Variants in PARP8 observed in about 807,000 individuals in gnomAD.
PARP8 encodes protein mono-ADP-ribosyltransferase PARP8.
In PARP8, 51 loss-of-function variants were observed where a neutral mutation model predicts 124.1. The ratio of observed to expected loss-of-function variants is 0.41; its 90% CI spans 0.33 to 0.52. The LOEUF is 0.52. Ranked by LOEUF, PARP8 falls within the 20% of genes least tolerant of loss-of-function variation. The pLI is 0.21. For synonymous variants in PARP8, 391 were observed against 361.5 expected, an observed-to-expected ratio of 1.08 and a Z score of -0.93; for missense variants, 860 against 1,018.9, an observed-to-expected ratio of 0.84 and a Z score of 2.12.
chr5:50,841,959 A>T lies in PARP8; in HGVS notation c.2463-7A>T, dbSNP rs1204476271. ...ATGTTTTTATATTTTTATGTTTTGT[A>T]TTTCAGCTATGAAGACGGCCAAGTG... On this transcript the variant is annotated splice_region_variant and splice_polypyrimidine_tract_variant and intron_variant, in intron 25 of 25. Coordinates refer to ENST00000281631, the MANE Select transcript of PARP8 (RefSeq NM_024615.4). 5 of 1,561,504 alleles carry T rather than the reference A, an allele frequency of 3.2e-6. No homozygotes were observed. Among genetic ancestry groups the T allele is most frequent in the Non-Finnish European group, 4.4e-6 (5 of 1,143,344 alleles).
intron 14 of PARP8, among the ~76,000 whole-genome samples, chr5:50,815,114 A>G (rs1014275784): frequency 6.6e-6 from 1 of 152,016 alleles, no homozygotes; most frequent in African/African-American, 2.4e-5. Context: ...TGTGCATCTC[A>G]TGTGCAAATG....
intron 14 of PARP8, among the ~76,000 whole-genome samples, chr5:50,802,974 A>G (rs947977605): frequency 5.9e-5 from 9 of 152,150 alleles, no homozygotes; most frequent in Non-Finnish European, 1.0e-4. Context: ...AACTCCCTTC[A>G]TTAATTCCTG....
chr5:50,668,268 G>T (rs1749595118), intron 2 of PARP8, 143 bp downstream of exon 2: 2 of 756,720 alleles, frequency 2.6e-6, no homozygotes, highest in Non-Finnish European at 4.5e-6. Flanking sequence ...CAAGCCTGAC[G>T]TCCCTCGGTT....
At chr5:50,833,439 A>G (rs1243278422) in intron 23 of PARP8, 2 of 454,340 alleles carry the variant, frequency 4.4e-6, no homozygotes, top group African/African-American at 4.0e-5. Flanking sequence ...ATATTCTGGG[A>G]AAATTAAAAA....
intron 9 of PARP8, among the ~76,000 whole-genome samples, chr5:50,786,531 ATT>A (rs753027033): frequency 9.8e-5 from 14 of 142,468 alleles, no homozygotes; most frequent in South Asian, 2.2e-4. Flanking sequence ...TGCCTGGCTA[ATT>A]TTTTTTTTTT....
intron 3 of PARP8, among the ~76,000 whole-genome samples, chr5:50,754,150 T>TACACACACACAC (rs1253764538): frequency 3.2e-4 from 12 of 37,166 alleles, no homozygotes; most frequent in African/African-American, 1.3e-3. Context: ...TATATATATA[T>TACACACACACAC]ACACACACAC....
At chr5:50,744,979 C>A in intron 2 of PARP8, 2 of 514,032 alleles carry the variant, frequency 3.9e-6, no homozygotes, top group Non-Finnish European at 3.5e-6. Context: ...CTCATTAGAT[C>A]CTTGAGCCAA....
intron 4 of PARP8, 144 bp downstream of exon 4, chr5:50,759,876 A>G (rs1760369784): frequency 1.9e-6 from 2 of 1,060,502 alleles, no homozygotes; most frequent in Non-Finnish European, 2.5e-6. Flanking sequence ...TTTTCTATCT[A>G]AAGTACATTT....
At position 50,826,740 on chromosome 5, in the gene PARP8, T is replaced by A; in HGVS notation, c.1929-15T>A. 6.3e-7 allele frequency: 1 copy of A among 1,577,586 alleles called. No homozygotes were observed. The highest frequency in any genetic ancestry group is 1.4e-5 in the African/African-American group (1 of 72,166). ...TTGGCATGTATTTGTGACTAATGGA[T>A]CATTTTAATTTCAGGGTTATATCAA... On this transcript the variant is annotated splice_polypyrimidine_tract_variant and intron_variant, in intron 18 of 25. Transcript: ENST00000281631.
At chr5:50,680,127 C>G (rs969230818) in intron 2 of PARP8, among the ~76,000 whole-genome samples, 11 of 152,138 alleles carry the variant, frequency 7.2e-5, no homozygotes, top group Non-Finnish European at 1.6e-4. Flanking sequence ...GAAAGCTGTA[C>G]AGATTCTGTG....
intron 3 of PARP8, 31 bp from the exon 4 acceptor site, chr5:50,759,612 C>CTTTCA (rs1461926929): frequency 2.0e-6 from 3 of 1,469,640 alleles, no homozygotes; most frequent in African/African-American, 1.6e-5. Flanking sequence ...AAACTTATGC[C>CTTTCA]TTTCATTATC....
At chr5:50,675,446 A>G (rs569436153) in intron 2 of PARP8, among the ~76,000 whole-genome samples, 9 of 152,278 alleles carry the variant, frequency 5.9e-5, no homozygotes, top group African/African-American at 2.2e-4. Context: ...CTGGGATTAC[A>G]GGCACACACC....
At chr5:50,741,202 AC>A (rs1758007794) in intron 2 of PARP8, among the ~76,000 whole-genome samples, 1 of 152,182 alleles carries the variant, frequency 6.6e-6, no homozygotes. Flanking sequence ...CAGATATTAA[AC>A]TTTCGGGATG....
intron 15 of PARP8, among the ~76,000 whole-genome samples, chr5:50,819,502 G>T (rs536506661): frequency 1.5e-5 from 2 of 132,718 alleles, no homozygotes; most frequent in Non-Finnish European, 3.1e-5. Context: ...GTGCAGTGGC[G>T]CAATCTTGGC....
Position 50,815,699 on chromosome 5 carries a change from T to C in PARP8, c.1668+175T>C, listed in dbSNP as rs148111858. On this transcript the variant is annotated intron_variant, in intron 15 of 25. Coordinates refer to ENST00000281631, the MANE Select transcript of PARP8 (RefSeq NM_024615.4). ...AACTAAATGTGATCTCTCCATCTAA[T>C]GTGTGTTTCGTTATTTTGTGATTGC... Among the ~76,000 whole-genome samples the C allele has an allele frequency of 2.0e-3, 299 of 152,316 alleles. 3 individuals carry two copies. The highest frequency in any genetic ancestry group is 6.9e-3 in the African/African-American group (288 of 41,578).
rs189662013 is a variant in PARP8 at position 50,802,888 on chromosome 5, A to G, written c.1575+5655A>G. Among the ~76,000 whole-genome samples the G allele has an allele frequency of 3.3e-3, 498 of 152,310 alleles. 11 individuals carry two copies. The highest frequency in any genetic ancestry group is 0.032 in the Admixed American group (490 of 15,292). ...TGTGCAGTCCTTTGTATTTACCTGT[A>G]TGCATGTTTACCTTTACCCAAGCTC... On this transcript the variant is annotated intron_variant, in intron 14 of 25. Transcript: ENST00000281631.
Position 50,778,541 on chromosome 5 carries a change from T to G in PARP8, c.580-19T>G. Reference sequence around the variant, plus strand: ...ACTCTAAAAGATGATTAATTCATCTTTTAAATATATTTGTGCAGGAGGAGA... The same window carrying G: ...ACTCTAAAAGATGATTAATTCATCTGTTAAATATATTTGTGCAGGAGGAGA... On this transcript the variant is annotated intron_variant, in intron 8 of 25. Transcript: ENST00000281631. The G allele has an allele frequency of 6.4e-7, 1 of 1,568,380 alleles. No individual in the cohort carries two copies. Among genetic ancestry groups the G allele is most frequent in the South Asian group, 1.2e-5 (1 of 84,442 alleles).
intron 14 of PARP8, among the ~76,000 whole-genome samples, chr5:50,799,637 A>G (rs1307437401): frequency 6.6e-6 from 1 of 152,170 alleles, no homozygotes; most frequent in Admixed American, 6.5e-5. Flanking sequence ...GGAATTGTAA[A>G]TCGGTTTGAA....
chr5:50,720,314 A>G (rs1755749165), intron 2 of PARP8, among the ~76,000 whole-genome samples: 1 of 152,062 alleles, frequency 6.6e-6, no homozygotes. Context: ...TGCACATCAC[A>G]GTTTGTTGGC....
Sources: gnomAD v4.1 joint callset for allele counts (sites outside exome capture counted in the v4.1 genomes callset) on GRCh38, gnomAD v4.1.1 for gene constraint, MANE v1.5 for transcripts, NCBI Gene and HGNC (gene_info 2026-07-23, HGNC 2026-07-21) for gene names.